THSD7B: variants seen among roughly 807,000 people sequenced by gnomAD.
THSD7B encodes thrombospondin type 1 domain containing 7B, also known as thrombospondin type-1 domain-containing protein 7B.
THSD7B carries 138 observed loss-of-function variants against 213.6 expected under a neutral mutation model. The observed-to-expected ratio is 0.65, with a 90% CI of 0.56 to 0.74. THSD7B has a LOEUF of 0.74. THSD7B is among the 30% of genes least tolerant of loss of function. The probability of loss-of-function intolerance (pLI) is 0.00; values close to 1 mark genes in which losing one functional copy is unlikely to be tolerated. For synonymous variants in THSD7B, 742 were observed against 687.0 expected, an observed-to-expected ratio of 1.08 and a Z score of -1.25; for missense variants, 1,931 against 1,991.5, an observed-to-expected ratio of 0.97 and a Z score of 0.58.
chr2:136,931,650 T>C (rs1684628852), intron 2 of THSD7B, among the ~76,000 whole-genome samples: 1 of 152,174 alleles, frequency 6.6e-6, no homozygotes, highest in Admixed American at 6.6e-5. Context: ...TGCAGAGCTT[T>C]ACCTCCTAAT....
At chr2:137,488,170 C>T (rs1467224596) in intron 15 of THSD7B, among the ~76,000 whole-genome samples, 1 of 152,090 alleles carries the variant, frequency 6.6e-6, no homozygotes, top group Non-Finnish European at 1.5e-5. Flanking sequence ...TGCATTGGAA[C>T]TAAAAAGGTG....
intron 2 of THSD7B, among the ~76,000 whole-genome samples, chr2:137,021,237 CTA>C (rs1194734057): frequency 6.6e-6 from 1 of 152,202 alleles, no homozygotes; most frequent in East Asian, 1.9e-4. Flanking sequence ...GTTTTAGCCA[CTA>C]GCTACATATG....
intron 7 of THSD7B, among the ~76,000 whole-genome samples, chr2:137,210,781 A>G (rs1681085975): frequency 7.2e-6 from 1 of 138,088 alleles, no homozygotes; most frequent in African/African-American, 2.7e-5. Flanking sequence ...CTTTTGTATT[A>G]TGTCATTTAA....
intron 1 of THSD7B, among the ~76,000 whole-genome samples, chr2:136,847,919 T>A (rs1009508277): frequency 4.6e-5 from 7 of 152,162 alleles, no homozygotes; most frequent in African/African-American, 1.7e-4. Context: ...TCCTCCCTTC[T>A]TATGAGAAAA....
intron 2 of THSD7B, among the ~76,000 whole-genome samples, chr2:137,011,102 C>T (rs1558886089): frequency 6.6e-6 from 1 of 152,150 alleles, no homozygotes; most frequent in Non-Finnish European, 1.5e-5. Context: ...TGACCTACTT[C>T]CCCTTCACAC....
intron 12 of THSD7B, among the ~76,000 whole-genome samples, chr2:137,312,106 G>C (rs1271282034): frequency 6.6e-6 from 1 of 151,216 alleles, no homozygotes; most frequent in African/African-American, 2.4e-5. Flanking sequence ...TGTACCTCTG[G>C]TAGAATTCGG....
chr2:137,091,189 G>A (rs775754128), intron 3 of THSD7B, among the ~76,000 whole-genome samples: 15 of 152,162 alleles, frequency 9.9e-5, no homozygotes, highest in Non-Finnish European at 1.6e-4. Flanking sequence ...CCCTGCACAT[G>A]CTCTTACTGT....
chr2:137,418,670 T>C (rs1686852695), intron 14 of THSD7B, among the ~76,000 whole-genome samples: 1 of 152,036 alleles, frequency 6.6e-6, no homozygotes, highest in South Asian at 2.1e-4. Context: ...TTGTACCCGT[T>C]AATCAACCTC....
At chr2:137,401,099 T>C (rs187601749) in intron 12 of THSD7B, among the ~76,000 whole-genome samples, 2 of 152,372 alleles carry the variant, frequency 1.3e-5, no homozygotes, top group African/African-American at 4.8e-5. Flanking sequence ...AGATTTCTAC[T>C]TCTGATTTAA....
At chr2:137,163,780 C>T (rs941310925) in intron 6 of THSD7B, among the ~76,000 whole-genome samples, 3 of 152,200 alleles carry the variant, frequency 2.0e-5, no homozygotes, top group Admixed American at 1.3e-4. Context: ...CATTTAGGCT[C>T]AACAAGGATA....
In THSD7B at chr2:137,644,428, T is replaced by A. The variant is rs142815738; in HGVS notation, c.3945+1795T>A. On this transcript the variant is annotated intron_variant, in intron 21 of 27. Transcript: ENST00000409968. ...GAAGCTCTTCATTGCCACATTTTTC[T>A]ACCTTATAGATGAAGTCAGTCACTC... is the stretch of plus-strand genomic sequence containing the variant. 1.1e-3 allele frequency among the ~76,000 whole-genome samples: 169 copies of A among 152,316 alleles called. 1 individual carries two copies. Among genetic ancestry groups the A allele is most frequent in the African/African-American group, 4.0e-3 (166 of 41,584 alleles).
chr2:137,636,564 A>T (rs971086092), intron 20 of THSD7B, among the ~76,000 whole-genome samples: 1 of 152,234 alleles, frequency 6.6e-6, no homozygotes, highest in Non-Finnish European at 1.5e-5. Flanking sequence ...TTCAGAAAAA[A>T]GTCTCATTTA....
intron 7 of THSD7B, among the ~76,000 whole-genome samples, chr2:137,179,533 TC>T (rs1483128641): frequency 6.6e-6 from 1 of 151,944 alleles, no homozygotes; most frequent in Admixed American, 6.6e-5. Flanking sequence ...GTTTACACAT[TC>T]TGTACCTGTT....
intron 27 of THSD7B, among the ~76,000 whole-genome samples, chr2:137,670,914 C>A (rs1683555757): frequency 8.6e-6 from 1 of 116,366 alleles, no homozygotes; most frequent in African/African-American, 3.6e-5. Flanking sequence ...GAGTGAGACT[C>A]CGCCTCAAAA....
At chr2:137,326,189 C>T (rs1034337893) in intron 12 of THSD7B, among the ~76,000 whole-genome samples, 7 of 152,196 alleles carry the variant, frequency 4.6e-5, no homozygotes, top group African/African-American at 1.4e-4. Flanking sequence ...TAGCTTCTAT[C>T]GAGACCCATG....
intron 2 of THSD7B, among the ~76,000 whole-genome samples, chr2:137,024,690 T>TACAC (rs147887943): frequency 1.5e-4 from 22 of 151,350 alleles, no homozygotes; most frequent in African/African-American, 4.8e-4. Context: ...GATAAAAGTG[T>TACAC]ACACACACAC....
intron 2 of THSD7B, among the ~76,000 whole-genome samples, chr2:136,965,248 T>G (rs757128646): frequency 4.6e-5 from 7 of 152,206 alleles, no homozygotes; most frequent in Non-Finnish European, 7.3e-5. Context: ...TAGGCCCTTT[T>G]CTAGGCACTG....
chr2:136,832,097 G>A (rs555458277), intron 1 of THSD7B, among the ~76,000 whole-genome samples: 1 of 152,048 alleles, frequency 6.6e-6, no homozygotes, highest in South Asian at 2.1e-4. Flanking sequence ...CTTATACCCA[G>A]TAGGCTATAA....
At chr2:137,047,233 G>T (rs4467332) in intron 2 of THSD7B, among the ~76,000 whole-genome samples, 13,870 of 152,184 alleles carry the variant, frequency 0.091, 781 homozygotes, top group East Asian at 0.22. Context: ...CTGGGGCAGA[G>T]TGAAATAATG....
Sources: allele counts gnomAD v4.1 joint callset (sites outside exome capture counted in the v4.1 genomes callset), GRCh38; gene constraint gnomAD v4.1.1; transcripts MANE v1.5; gene names NCBI Gene and HGNC (gene_info 2026-07-23, HGNC 2026-07-21).